CNNM1: variants seen among roughly 807,000 people sequenced by gnomAD.
The protein encoded by CNNM1 is metal transporter CNNM1.
In CNNM1, 44 loss-of-function variants were observed where a neutral mutation model predicts 78.8. The observed-to-expected ratio is 0.56, with a 90% CI of 0.44 to 0.72. CNNM1 has a LOEUF of 0.72. CNNM1 is among the 30% of genes least tolerant of loss of function. The probability of loss-of-function intolerance (pLI) is 0.00; values close to 1 mark genes in which losing one functional copy is unlikely to be tolerated. For synonymous variants in CNNM1, 584 were observed against 581.5 expected (o/e 1.00, Z -0.06); for missense variants, 1,101 against 1,292.2 (o/e 0.85, Z 2.27).
intron 6 of CNNM1, among the ~76,000 whole-genome samples, chr10:99,369,123 C>T (rs1275114636): frequency 1.3e-5 from 2 of 152,170 alleles, no homozygotes; most frequent in Non-Finnish European, 2.9e-5. Context: ...TAGCTCTGCT[C>T]GTACAAAGGA....
At chr10:99,347,599 A>ACACACACACACACACACAC (rs1564942665) in intron 1 of CNNM1, among the ~76,000 whole-genome samples, 24 of 151,744 alleles carry the variant, frequency 1.6e-4, no homozygotes, top group Middle Eastern at 3.4e-3. Flanking sequence ...ACACACACAC[A>ACACACACACACACACACAC]AATGTTGCAA....
At chr10:99,339,992 T>A in intron 1 of CNNM1, among the ~76,000 whole-genome samples, 1 of 152,378 alleles carries the variant, frequency 6.6e-6, no homozygotes, top group East Asian at 1.9e-4. Context: ...ATTACGTTTT[T>A]AAAATGTGTT....
At chr10:99,345,762 A>G (rs1029650689) in intron 1 of CNNM1, among the ~76,000 whole-genome samples, 5 of 152,230 alleles carry the variant, frequency 3.3e-5, no homozygotes, top group Admixed American at 2.6e-4. Context: ...GAAGCTTTCC[A>G]GAAATCCTAA....
chr10:99,356,967 C>T (rs923668111), intron 1 of CNNM1, among the ~76,000 whole-genome samples: 1 of 152,170 alleles, frequency 6.6e-6, no homozygotes, highest in Non-Finnish European at 1.5e-5. Context: ...TCACAAGCCC[C>T]CCCAGATTCA....
chr10:99,333,381 G>A (rs1186973666), intron 1 of CNNM1, among the ~76,000 whole-genome samples: 1 of 152,188 alleles, frequency 6.6e-6, no homozygotes, highest in Non-Finnish European at 1.5e-5. Context: ...GTTTCACTCT[G>A]TCGCCCAGGC....
At chr10:99,386,170 T>A (rs1337701339) in intron 7 of CNNM1, among the ~76,000 whole-genome samples, 1 of 152,222 alleles carries the variant, frequency 6.6e-6, no homozygotes, top group Admixed American at 6.5e-5. Context: ...CGAAGCCAGT[T>A]GTTAACACTT....
At chr10:99,367,941 G>C (rs2031678749) in intron 6 of CNNM1, among the ~76,000 whole-genome samples, 1 of 152,182 alleles carries the variant, frequency 6.6e-6, no homozygotes, top group East Asian at 1.9e-4. Context: ...AAACTCTGTG[G>C]GGAAAGAGAA....
chr10:99,345,412 T>A (rs1444007050), intron 1 of CNNM1, among the ~76,000 whole-genome samples: 1 of 152,204 alleles, frequency 6.6e-6, no homozygotes, highest in Non-Finnish European at 1.5e-5. Flanking sequence ...ACAGTGCCCC[T>A]GAGAGTCCAC....
chr10:99,329,438 C>A lies in CNNM1; in HGVS notation c.51C>A (p.Asp17Glu), dbSNP rs1850543659. ...CAGCGGTGGGTGTCAGGCTCCGGGACTGCTGCAGCCGAGGCGCTGTGCTCC... is the reference window on the plus strand; with the variant it reads ...CAGCGGTGGGTGTCAGGCTCCGGGAATGCTGCAGCCGAGGCGCTGTGCTCC... ...AAAAVGVRLR[D>E]CCSRGAVLLL... The change falls in exon 1 of 11, where the codon GAC (aspartate) becomes GAA (glutamate). Residue 17 changes from aspartate (D) to glutamate (E), a missense_variant. Coordinates refer to ENST00000356713, the MANE Select transcript of CNNM1 (RefSeq NM_020348.3). 1.6e-6 allele frequency: 2 copies of A among 1,236,852 alleles called. No homozygotes were observed. Among genetic ancestry groups the A allele is most frequent in the South Asian group, 1.4e-5 (1 of 69,268 alleles). 76.6% of individuals were successfully genotyped at this position (1,236,852 alleles called of 1,614,324 possible).
At chr10:99,338,648 A>T (rs888747486) in intron 1 of CNNM1, among the ~76,000 whole-genome samples, 3 of 152,182 alleles carry the variant, frequency 2.0e-5, no homozygotes, top group African/African-American at 7.2e-5. Flanking sequence ...AAATTTAAAT[A>T]TAGAATAGTA....
intron 1 of CNNM1, among the ~76,000 whole-genome samples, chr10:99,345,030 G>A (rs1251766420): frequency 1.1e-4 from 16 of 152,214 alleles, no homozygotes; most frequent in Admixed American, 1.0e-3. Flanking sequence ...TCTGCATTGT[G>A]TTGGAAAGAG....
intron 6 of CNNM1, among the ~76,000 whole-genome samples, chr10:99,374,650 T>G (rs886224024): frequency 2.6e-5 from 4 of 152,236 alleles, no homozygotes; most frequent in African/African-American, 9.6e-5. Flanking sequence ...TTAAGAGCTC[T>G]GAAACCTTTT....
intron 6 of CNNM1, 27 bp downstream of exon 6, chr10:99,365,029 G>A (rs995841047): frequency 3.1e-6 from 5 of 1,613,022 alleles, no homozygotes; most frequent in East Asian, 2.2e-5. Context: ...CCCCTTCCTC[G>A]TCCTCCCCAT....
chr10:99,351,526 G>A (rs571186864), intron 1 of CNNM1, among the ~76,000 whole-genome samples: 4 of 152,270 alleles, frequency 2.6e-5, no homozygotes, highest in South Asian at 4.1e-4. Flanking sequence ...GTTGGACCCA[G>A]TTTAGGAGTT....
intron 1 of CNNM1, among the ~76,000 whole-genome samples, chr10:99,335,190 A>C (rs929849385): frequency 7.9e-5 from 12 of 152,222 alleles, no homozygotes; most frequent in African/African-American, 2.9e-4. Flanking sequence ...TGCATATTGC[A>C]CTTGATAAAA....
intron 6 of CNNM1, among the ~76,000 whole-genome samples, chr10:99,373,131 C>T (rs762398306): frequency 5.9e-5 from 9 of 152,168 alleles, no homozygotes; most frequent in Non-Finnish European, 8.8e-5. Flanking sequence ...GAAGCTTCCA[C>T]GGATGGAAGG....
chr10:99,356,483 A>C lies in CNNM1; in HGVS notation c.1574-1029A>C, dbSNP rs914598712. 6.2e-5 allele frequency among the ~76,000 whole-genome samples: 3 copies of C among 48,716 alleles called. No homozygotes were observed. In the South Asian group the frequency reaches 3.0e-3, roughly 48 times the overall value. 32.0% of individuals were successfully genotyped at this position (48,716 alleles called of 152,430 possible). ...GAGAGAGACTCCATCTCAGAAAGAAAGAAAGAGAGAGAGAGAGAGAGAGAG... is the reference window on the plus strand; with the variant it reads ...GAGAGAGACTCCATCTCAGAAAGAACGAAAGAGAGAGAGAGAGAGAGAGAG... On this transcript the variant is annotated intron_variant, in intron 1 of 10. Coordinates refer to ENST00000356713, the MANE Select transcript of CNNM1 (RefSeq NM_020348.3).
chr10:99,358,442 A>T (rs536646755), intron 2 of CNNM1, among the ~76,000 whole-genome samples: 96 of 152,286 alleles, frequency 6.3e-4, no homozygotes, highest in African/African-American at 1.4e-3. Flanking sequence ...TGAGAATTTC[A>T]TCTCATGGAA....
At chr10:99,331,736 A>T (rs1240359831) in intron 1 of CNNM1, among the ~76,000 whole-genome samples, 1 of 151,874 alleles carries the variant, frequency 6.6e-6, no homozygotes, top group South Asian at 2.1e-4. Context: ...GGGGGGAGGG[A>T]AGTACTCAGG....
Sources: allele counts gnomAD v4.1 joint callset (sites outside exome capture counted in the v4.1 genomes callset), GRCh38; gene constraint gnomAD v4.1.1; transcripts MANE v1.5; gene names NCBI Gene and HGNC (gene_info 2026-07-23, HGNC 2026-07-21).